SPOCK3: variants seen among roughly 807,000 people sequenced by gnomAD.
SPOCK3 encodes the protein testican-3.
Under a neutral mutation model 56.6 loss-of-function variants are expected in SPOCK3, and 30 were observed. The observed-to-expected ratio is 0.53, with a 90% CI of 0.40 to 0.72. The LOEUF (loss-of-function observed/expected upper bound fraction) is 0.72. Ranked by LOEUF, SPOCK3 falls within the 30% of genes least tolerant of loss-of-function variation. SPOCK3 has a pLI of 0.00. For missense variants in SPOCK3, 527 were observed against 530.0 expected (o/e 0.99, Z 0.06); for synonymous variants, 196 against 183.3 (o/e 1.07, Z -0.56).
chr4:167,234,192 C>A lies in SPOCK3; in HGVS notation c.1-19G>T, dbSNP rs762843127. 1.3e-6 allele frequency: 1 copy of A among 769,566 alleles called. No homozygotes were observed. Among genetic ancestry groups the A allele is most frequent in the Non-Finnish European group, 2.2e-6 (1 of 452,154 alleles). The allele number at this position is 769,566 out of a possible 1,614,324, so 47.7% of individuals were successfully genotyped here. On this transcript the variant is annotated intron_variant, in intron 1 of 10. Transcript: ENST00000357545. ...TGAGCATCTGGGAGAGGAGACACAA[C>A]GGGGGGTGGGGGGGCATGTCAGTGT...
At chr4:167,109,573 A>T (rs1332016751) in intron 2 of SPOCK3, among the ~76,000 whole-genome samples, 3 of 135,894 alleles carry the variant, frequency 2.2e-5, no homozygotes, top group Non-Finnish European at 3.1e-5. Flanking sequence ...TTACAAATAT[A>T]TATATTTATT....
intron 2 of SPOCK3, among the ~76,000 whole-genome samples, chr4:167,178,229 C>T (rs989577366): frequency 5.9e-5 from 9 of 152,160 alleles, no homozygotes; most frequent in Admixed American, 3.9e-4. Flanking sequence ...TGACTGTAAA[C>T]TTCTATTTTT....
chr4:167,022,317 C>T lies in SPOCK3; in HGVS notation c.236-21854G>A, dbSNP rs545090250. Among the ~76,000 whole-genome samples the T allele has an allele frequency of 3.5e-3, 528 of 152,174 alleles. 3 individuals carry two copies. The highest frequency in any genetic ancestry group is 6.1e-3 in the Non-Finnish European group (414 of 67,982). On this transcript the variant is annotated intron_variant, in intron 3 of 10. Coordinates refer to ENST00000357545, the MANE Select transcript of SPOCK3 (RefSeq NM_001040159.2). ...TCTTTTGCCATCAACTGTTCTGCAA[C>T]TGAAAAATATTATCCAGCTTGTCCC...
At chr4:166,844,184 G>A (rs926259228) in intron 6 of SPOCK3, among the ~76,000 whole-genome samples, 6 of 152,148 alleles carry the variant, frequency 3.9e-5, no homozygotes, top group African/African-American at 1.4e-4. Flanking sequence ...ATAAACAAAA[G>A]GTACCAGAAT....
At chr4:166,791,513 C>A (rs1397217331) in intron 7 of SPOCK3, among the ~76,000 whole-genome samples, 1 of 152,004 alleles carries the variant, frequency 6.6e-6, no homozygotes, top group Non-Finnish European at 1.5e-5. Flanking sequence ...CTTTTACATG[C>A]ATTACATGAT....
chr4:166,893,498 A>G (rs1156431509), intron 5 of SPOCK3, among the ~76,000 whole-genome samples: 1 of 152,094 alleles, frequency 6.6e-6, no homozygotes, highest in Non-Finnish European at 1.5e-5. Context: ...AGCAGTTTAG[A>G]TGTATTATTC....
At chr4:166,940,110 G>A (rs1423250940) in intron 4 of SPOCK3, among the ~76,000 whole-genome samples, 1 of 152,178 alleles carries the variant, frequency 6.6e-6, no homozygotes, top group African/African-American at 2.4e-5. Context: ...AGTCACGCAT[G>A]GTGAGCAGTC....
chr4:167,038,663 C>CAAAAAAA (rs558863795), intron 3 of SPOCK3, among the ~76,000 whole-genome samples: 3 of 107,984 alleles, frequency 2.8e-5, no homozygotes, highest in Non-Finnish European at 5.7e-5. Flanking sequence ...TTATTTTTTC[C>CAAAAAAA]AAAAAAAAAA....
At chr4:166,885,384 A>G (rs2126995531) in intron 6 of SPOCK3, among the ~76,000 whole-genome samples, 1 of 152,142 alleles carries the variant, frequency 6.6e-6, no homozygotes, top group African/African-American at 2.4e-5. Flanking sequence ...AAAACTTAGA[A>G]AAACAGTTTT....
intron 4 of SPOCK3, among the ~76,000 whole-genome samples, chr4:166,974,176 A>G (rs1745695077): frequency 6.6e-6 from 1 of 152,134 alleles, no homozygotes; most frequent in African/African-American, 2.4e-5. Flanking sequence ...TAAATAGGTA[A>G]GATTACTGTG....
chr4:166,849,378 T>A (rs1447657543), intron 6 of SPOCK3, among the ~76,000 whole-genome samples: 2 of 152,196 alleles, frequency 1.3e-5, no homozygotes, highest in African/African-American at 4.8e-5. Flanking sequence ...TTGTCTTATT[T>A]GGTTGATGCA....
intron 7 of SPOCK3, among the ~76,000 whole-genome samples, chr4:166,779,304 A>G (rs1739910258): frequency 6.6e-6 from 1 of 152,132 alleles, no homozygotes; most frequent in Non-Finnish European, 1.5e-5. Context: ...AGTAAAGATA[A>G]TCAATTAAGA....
At chr4:167,143,549 T>A (rs1475004405) in intron 2 of SPOCK3, among the ~76,000 whole-genome samples, 1 of 152,004 alleles carries the variant, frequency 6.6e-6, no homozygotes, top group Non-Finnish European at 1.5e-5. Context: ...TTTTCTTGAT[T>A]CAAACATACA....
chr4:166,911,853 G>C (rs1176739783), intron 5 of SPOCK3, among the ~76,000 whole-genome samples: 1 of 151,810 alleles, frequency 6.6e-6, no homozygotes, highest in Non-Finnish European at 1.5e-5. Flanking sequence ...TTAATTATAG[G>C]GTAAGCTCCT....
At chr4:166,853,891 A>C (rs1730391307) in intron 6 of SPOCK3, among the ~76,000 whole-genome samples, 1 of 152,118 alleles carries the variant, frequency 6.6e-6, no homozygotes, top group Non-Finnish European at 1.5e-5. Context: ...CAAAAAAAAA[A>C]AGAAAAAAAG....
At chr4:167,036,722 G>A (rs1386452648) in intron 3 of SPOCK3, among the ~76,000 whole-genome samples, 2 of 151,902 alleles carry the variant, frequency 1.3e-5, no homozygotes, top group Non-Finnish European at 2.9e-5. Flanking sequence ...CAAAGTTATA[G>A]CATCACATAT....
At chr4:166,866,584 A>G (rs1207089687) in intron 6 of SPOCK3, among the ~76,000 whole-genome samples, 1 of 152,152 alleles carries the variant, frequency 6.6e-6, no homozygotes, top group Non-Finnish European at 1.5e-5. Context: ...CAAATTTACA[A>G]GAAAAAAGAA....
intron 4 of SPOCK3, among the ~76,000 whole-genome samples, chr4:166,929,295 T>C (rs1041486706): frequency 1.3e-5 from 2 of 152,228 alleles, no homozygotes; most frequent in Non-Finnish European, 2.9e-5. Flanking sequence ...GGTAATTTCC[T>C]ATTTCTTCCC....
intron 2 of SPOCK3, among the ~76,000 whole-genome samples, chr4:167,207,450 T>G (rs954518779): frequency 6.6e-6 from 1 of 152,110 alleles, no homozygotes; most frequent in African/African-American, 2.4e-5. Context: ...ATATTTTCAA[T>G]TACTACATCA....
Sources: allele counts gnomAD v4.1 joint callset (sites outside exome capture counted in the v4.1 genomes callset), GRCh38; gene constraint gnomAD v4.1.1; transcripts MANE v1.5; gene names NCBI Gene and HGNC (gene_info 2026-07-23, HGNC 2026-07-21).